RYR3: variants seen among roughly 807,000 people sequenced by gnomAD.
RYR3 encodes the protein brain ryanodine receptor-calcium release channel.
RYR3 carries 207 observed loss-of-function variants against 584.3 expected under a neutral mutation model. The ratio of observed to expected loss-of-function variants is 0.35; its 90% CI spans 0.32 to 0.40. The LOEUF is 0.40. RYR3 is among the 10% of genes least tolerant of loss of function. The pLI, the probability that RYR3 is intolerant of heterozygous loss-of-function variation, is 1.00. For missense variants in RYR3, 5,616 were observed against 6,089.2 expected (o/e 0.92, Z 2.59); for synonymous variants, 2,416 against 2,248.5 (o/e 1.07, Z -2.11).
At chr15:33,316,610 GGA>G (rs748808639) in intron 1 of RYR3, among the ~76,000 whole-genome samples, 7 of 152,170 alleles carry the variant, frequency 4.6e-5, no homozygotes, top group Non-Finnish European at 8.8e-5. Flanking sequence ...TCACCTTCAA[GGA>G]GTCACATAAG....
chr15:33,727,176 G>T (rs12593536), intron 46 of RYR3, among the ~76,000 whole-genome samples: 49,522 of 152,098 alleles, frequency 0.33, 9,631 homozygotes, highest in East Asian at 0.59. Flanking sequence ...GCATGCCTTA[G>T]GGCTGAGGAT....
intron 65 of RYR3, among the ~76,000 whole-genome samples, chr15:33,781,936 A>C (rs752848864): frequency 3.9e-5 from 6 of 151,950 alleles, no homozygotes; most frequent in African/African-American, 9.7e-5. Flanking sequence ...ACCAAAGTGG[A>C]AGCTGAGCAG....
chr15:33,725,672 T>C (rs1031747391), intron 45 of RYR3, among the ~76,000 whole-genome samples: 3 of 151,868 alleles, frequency 2.0e-5, no homozygotes, highest in Admixed American at 1.3e-4. Context: ...TTAACAGATT[T>C]CTAGAGGCCA....
rs913910827 is a variant in RYR3 at position 33,748,272 on chromosome 15, C to T, written c.8136+12C>T. 10 of 1,613,084 alleles carry T rather than the reference C, an allele frequency of 6.2e-6. No individual in the cohort carries two copies. In the Admixed American group the frequency reaches 1.0e-4, roughly 16 times the overall value. On this transcript the variant is annotated intron_variant, in intron 54 of 103. Transcript: ENST00000634891. The stretch of plus-strand genomic sequence containing the variant: ...CCCAGGCCAACCAGGTATGACACCA[C>T]ACCCAGAGGCCCACGCTGGGCCGAT...
chr15:33,773,773 A>G (rs1373549150), intron 64 of RYR3, among the ~76,000 whole-genome samples, 158 bp downstream of exon 64: 3 of 152,236 alleles, frequency 2.0e-5, no homozygotes, highest in Non-Finnish European at 4.4e-5. Context: ...GCTTTTGGCA[A>G]TGTAAAGAAG....
chr15:33,316,262 A>G (rs946898412), intron 1 of RYR3, among the ~76,000 whole-genome samples: 1 of 152,180 alleles, frequency 6.6e-6, no homozygotes, highest in South Asian at 2.1e-4. Context: ...ACCTTCATAG[A>G]AAGGAATCTT....
intron 1 of RYR3, among the ~76,000 whole-genome samples, chr15:33,331,294 C>T (rs1970349528): frequency 6.6e-6 from 1 of 152,020 alleles, no homozygotes; most frequent in Non-Finnish European, 1.5e-5. Context: ...AGGGTGTAGT[C>T]ACATAGTTAA....
intron 47 of RYR3, among the ~76,000 whole-genome samples, chr15:33,730,471 A>C (rs2068855908): frequency 6.6e-6 from 1 of 152,098 alleles, no homozygotes. Flanking sequence ...GTGAAAGATT[A>C]GCTGTTTCTC....
At chr15:33,408,674 T>C (rs1238321490) in intron 1 of RYR3, among the ~76,000 whole-genome samples, 1 of 152,226 alleles carries the variant, frequency 6.6e-6, no homozygotes, top group African/African-American at 2.4e-5. Context: ...TTTTTGACTT[T>C]TTAATAATAG....
chr15:33,492,172 C>T lies in RYR3; in HGVS notation c.172-11459C>T, dbSNP rs558699700. ...TTTTAAGTGTCTGTGATGAGTGTTA[C>T]GTGCTTTCTTGCAGTGGGGATGTAT... On this transcript the variant is annotated intron_variant, in intron 2 of 103. Coordinates refer to ENST00000634891, the MANE Select transcript of RYR3 (RefSeq NM_001036.6). Among the ~76,000 whole-genome samples, 3 of 152,180 alleles carry T rather than the reference C, an allele frequency of 2.0e-5. No homozygotes were observed. In the South Asian group the frequency reaches 6.2e-4, roughly 32 times the overall value.
chr15:33,544,817 G>C (rs967678611), intron 8 of RYR3, among the ~76,000 whole-genome samples: 1 of 152,146 alleles, frequency 6.6e-6, no homozygotes, highest in Non-Finnish European at 1.5e-5. Flanking sequence ...CCTATGTAAA[G>C]TGCTGTGCTT....
chr15:33,784,431 A>G (rs1157539359), intron 65 of RYR3, among the ~76,000 whole-genome samples: 1 of 152,216 alleles, frequency 6.6e-6, no homozygotes, highest in Non-Finnish European at 1.5e-5. Flanking sequence ...CTAAACATAC[A>G]TTTGTATTTG....
At chr15:33,823,293 A>C (rs147062634) in intron 81 of RYR3, among the ~76,000 whole-genome samples, 2 of 152,118 alleles carry the variant, frequency 1.3e-5, no homozygotes, top group African/African-American at 4.8e-5. Flanking sequence ...AGCCACATAC[A>C]CACGCTCCCC....
chr15:33,658,068 G>A (rs1312925643), intron 32 of RYR3, among the ~76,000 whole-genome samples: 4 of 152,148 alleles, frequency 2.6e-5, no homozygotes, highest in African/African-American at 7.2e-5. Flanking sequence ...CAAATTTAGC[G>A]GCTTAAAATA....
intron 18 of RYR3, among the ~76,000 whole-genome samples, chr15:33,608,704 G>A (rs115292471): frequency 3.3e-4 from 51 of 152,268 alleles, no homozygotes; most frequent in African/African-American, 1.2e-3. Context: ...TACTGTACAA[G>A]CTTTAAAAAT....
At position 33,367,666 on chromosome 15, in the gene RYR3, A is replaced by G. The variant is rs925282638; in HGVS notation, c.51+56570A>G. Among the ~76,000 whole-genome samples the G allele has an allele frequency of 4.6e-5, 7 of 152,228 alleles. 1 individual carries two copies. In the South Asian group the frequency reaches 6.2e-4, roughly 13 times the overall value. The stretch of plus-strand genomic sequence containing the variant: ...CTGGTAAAGGAGTTCATTCTTAAGA[A>G]GTTACACTATGATTTCAAAACAAAA... On this transcript the variant is annotated intron_variant, in intron 1 of 103. Coordinates refer to ENST00000634891, the MANE Select transcript of RYR3 (RefSeq NM_001036.6).
In RYR3 at chr15:33,311,216, G is replaced by A. The variant is rs1967215544; in HGVS notation, c.51+120G>A. ...GTGCCCGGTGCCGGGCGCTTTCTCC[G>A]CACCCGCGGGCTGCAGAGGCGGACC... is the stretch of plus-strand genomic sequence containing the variant. On this transcript the variant is annotated intron_variant, in intron 1 of 103. Transcript: ENST00000634891. The surrounding 1 kb of genome is among the most constrained non-coding windows in gnomAD (Gnocchi z 4.4). 13 of 702,688 alleles carry A rather than the reference G, an allele frequency of 1.9e-5. No individual in the cohort carries two copies. Among genetic ancestry groups the A allele is most frequent in the Non-Finnish European group, 2.5e-5 (12 of 481,296 alleles). 43.5% of individuals were successfully genotyped at this position (702,688 alleles called of 1,614,324 possible). A position where few individuals can be genotyped will look rare whatever the true frequency, so the allele number is the denominator to read the frequency against.
At chr15:33,640,458 A>T (rs1565935) in intron 27 of RYR3, among the ~76,000 whole-genome samples, 97,442 of 151,962 alleles carry the variant, frequency 0.64, 33,320 homozygotes, top group Non-Finnish European at 0.77. Context: ...GAATGGTCTG[A>T]GCGGTCATCT....
intron 1 of RYR3, among the ~76,000 whole-genome samples, chr15:33,343,979 A>G (rs1972132762): frequency 6.6e-6 from 1 of 152,230 alleles, no homozygotes; most frequent in Non-Finnish European, 1.5e-5. Context: ...AGCTTCTAGC[A>G]ATCTTATTTT....
Sources: allele counts gnomAD v4.1 joint callset (sites outside exome capture counted in the v4.1 genomes callset), GRCh38; gene constraint gnomAD v4.1.1; non-coding constraint Gnocchi (gnomAD v3.1); transcripts MANE v1.5; gene names NCBI Gene and HGNC (gene_info 2026-07-23, HGNC 2026-07-21).